Variants in MIR2052HG observed in about 807,000 individuals in gnomAD.
MIR2052HG encodes MIR2052 host gene.
intron 4 of MIR2052HG, among the ~76,000 whole-genome samples, chr8:74,714,279 C>A (rs577013146): frequency 6.6e-6 from 1 of 152,190 alleles, no homozygotes; most frequent in South Asian, 2.1e-4. Flanking sequence ...TTGGGTGGTC[C>A]TTAACACATT....
chr8:74,674,039 A>G (rs1809023590), intron 2 of MIR2052HG, among the ~76,000 whole-genome samples: 2 of 151,378 alleles, frequency 1.3e-5, no homozygotes, highest in Admixed American at 1.3e-4. Context: ...CCATGCAAAT[A>G]TAATTAATAT....
At chr8:74,701,985 T>A (rs113395077) in intron 2 of MIR2052HG, among the ~76,000 whole-genome samples, 28 of 152,164 alleles carry the variant, frequency 1.8e-4, no homozygotes, top group African/African-American at 6.5e-4. Context: ...AGGCATTGCA[T>A]TGATATAATA....
Position 74,662,704 on chromosome 8 carries a change from G to T in MIR2052HG, n.217-39675G>T, listed in dbSNP as rs150379624. Among the ~76,000 whole-genome samples the T allele has an allele frequency of 9.6e-3, 1,461 of 152,140 alleles. 22 individuals are homozygous for T. The highest frequency in any genetic ancestry group is 0.032 in the African/African-American group (1,331 of 41,498). On this transcript the variant is annotated intron_variant and non_coding_transcript_variant, in intron 2 of 6. Transcript: ENST00000523442. Reference sequence around the variant, plus strand: ...GAATTTTTCTGTTTCCACTTATAGGGTGGAAAACACCTTAATATCTTGTAA... The same window carrying T: ...GAATTTTTCTGTTTCCACTTATAGGTTGGAAAACACCTTAATATCTTGTAA...
chr8:74,746,602 A>G (rs4299981), intron 4 of MIR2052HG, among the ~76,000 whole-genome samples: 151,150 of 151,162 alleles, frequency 1, 75,569 homozygotes, highest in East Asian at 1. Context: ...GTGTGTGTCA[A>G]AGAGTCGAGG....
At chr8:74,706,291 A>T (rs576310622) in intron 4 of MIR2052HG, among the ~76,000 whole-genome samples, 1 of 152,150 alleles carries the variant, frequency 6.6e-6, no homozygotes, top group East Asian at 1.9e-4. Flanking sequence ...TAGCAGTGGC[A>T]TTGCCAAGGT....
intron 2 of MIR2052HG, among the ~76,000 whole-genome samples, chr8:74,665,059 C>G (rs989529669): frequency 9.2e-5 from 14 of 152,170 alleles, no homozygotes; most frequent in African/African-American, 3.4e-4. Flanking sequence ...TTACAACTTT[C>G]TTTTTCTGAC....
chr8:74,600,919 T>A (rs973548020), intron 1 of MIR2052HG, among the ~76,000 whole-genome samples: 20 of 152,144 alleles, frequency 1.3e-4, no homozygotes, highest in Admixed American at 1.3e-3. Flanking sequence ...TATGGTAGAG[T>A]GAGAGACCTG....
At chr8:74,661,077 C>T (rs943764320) in intron 2 of MIR2052HG, among the ~76,000 whole-genome samples, 1 of 152,076 alleles carries the variant, frequency 6.6e-6, no homozygotes, top group African/African-American at 2.4e-5. Context: ...ATAATAACTA[C>T]AACTGAAAGA....
chr8:74,695,000 G>GT, intron 2 of MIR2052HG, among the ~76,000 whole-genome samples: 1 of 152,184 alleles, frequency 6.6e-6, no homozygotes, highest in East Asian at 1.9e-4. Context: ...ATTGCAAAAA[G>GT]TTAATAACCT....
intron 2 of MIR2052HG, among the ~76,000 whole-genome samples, chr8:74,656,220 G>T (rs1221059039): frequency 1.3e-5 from 2 of 152,120 alleles, no homozygotes; most frequent in African/African-American, 4.8e-5. Context: ...GGACTTTTGG[G>T]TTAATGCTGA....
At chr8:74,658,520 A>G (rs906807019) in intron 2 of MIR2052HG, among the ~76,000 whole-genome samples, 2 of 151,968 alleles carry the variant, frequency 1.3e-5, no homozygotes, top group Non-Finnish European at 2.9e-5. Flanking sequence ...CCTCCAGAGT[A>G]GCTGGGATGT....
At chr8:74,746,067 T>A (rs966367410) in intron 4 of MIR2052HG, among the ~76,000 whole-genome samples, 1 of 152,140 alleles carries the variant, frequency 6.6e-6, no homozygotes, top group Non-Finnish European at 1.5e-5. Flanking sequence ...GATGATGTCT[T>A]GAGGATGTTG....
At chr8:74,748,250 G>A (rs887925413) in intron 4 of MIR2052HG, among the ~76,000 whole-genome samples, 7 of 152,172 alleles carry the variant, frequency 4.6e-5, no homozygotes, top group Non-Finnish European at 1.0e-4. Flanking sequence ...AATCTTTGAG[G>A]TAAAACAGAT....
At position 74,689,538 on chromosome 8, in the gene MIR2052HG, T is replaced by A. The variant is rs556005457; in HGVS notation, n.217-12841T>A. On this transcript the variant is annotated intron_variant and non_coding_transcript_variant, in intron 2 of 6. Transcript: ENST00000523442. ...ATTAGTTTGCTGAAGTCAGAAAATA[T>A]GTTACCTGAGTTTAATTCTTTCTGT... Among the ~76,000 whole-genome samples the A allele has an allele frequency of 3.3e-5, 5 of 152,238 alleles. No individual in the cohort carries two copies. In the East Asian group the frequency reaches 5.8e-4, roughly 18 times the overall value.
At chr8:74,602,478 C>A (rs1191299722) in intron 1 of MIR2052HG, among the ~76,000 whole-genome samples, 1 of 151,998 alleles carries the variant, frequency 6.6e-6, no homozygotes, top group Admixed American at 6.6e-5. Flanking sequence ...AACAGCTACT[C>A]TGCCTATGGA....
intron 2 of MIR2052HG, among the ~76,000 whole-genome samples, chr8:74,671,326 A>G (rs1404612544): frequency 6.6e-6 from 1 of 152,110 alleles, no homozygotes; most frequent in Non-Finnish European, 1.5e-5. Flanking sequence ...ACTTAAAGGC[A>G]TCCTGTCATT....
At chr8:74,602,876 T>TCCTTTCTTTCTTTCTTTCTTTC (rs1554570015) in intron 1 of MIR2052HG, among the ~76,000 whole-genome samples, 2 of 137,180 alleles carry the variant, frequency 1.5e-5, no homozygotes, top group African/African-American at 5.4e-5. Context: ...TTTCTTTCTT[T>TCCTTTCTTTCTTTCTTTCTTTC]TTTCTATTCA....
chr8:74,646,887 C>T (rs1808694184), intron 2 of MIR2052HG, among the ~76,000 whole-genome samples: 1 of 151,982 alleles, frequency 6.6e-6, no homozygotes, highest in South Asian at 2.1e-4. Flanking sequence ...TTGGTCAAGC[C>T]ACTGAACTTC....
chr8:74,744,580 GT>G (rs2128756047), intron 4 of MIR2052HG, among the ~76,000 whole-genome samples: 1 of 151,916 alleles, frequency 6.6e-6, no homozygotes, highest in African/African-American at 2.4e-5. Flanking sequence ...GCGGTGTTTG[GT>G]TTTTTGTCCT....
Sources: allele counts gnomAD v4.1 joint callset (sites outside exome capture counted in the v4.1 genomes callset), GRCh38; gene constraint gnomAD v4.1.1; transcripts MANE v1.5; gene names NCBI Gene and HGNC (gene_info 2026-07-23, HGNC 2026-07-21).